Variants in SPATC1L observed in about 807,000 individuals in gnomAD.
The protein encoded by SPATC1L is spermatogenesis and centriole associated 1 like.
SPATC1L carries 20 observed loss-of-function variants against 21.2 expected under a neutral mutation model. That is an observed-to-expected ratio of 0.94 (90% CI 0.66 to 1.37). SPATC1L has a LOEUF of 1.37. Among genes scored for constraint, SPATC1L ranks in the 40% most tolerant of loss-of-function variants. SPATC1L has a pLI of 0.00. For synonymous variants in SPATC1L, 290 were observed against 234.5 expected (o/e 1.24, Z -2.16); for missense variants, 499 against 478.7 (o/e 1.04, Z -0.40).
Position 46,161,279 on chromosome 21 carries a change from A to ACGCGGCCCTTTCCCG in SPATC1L, c.*99_*100insCGGGAAAGGGCCGCG. On this transcript the variant is annotated 3_prime_UTR_variant, in exon 5 of 5. Coordinates refer to ENST00000291672, the MANE Select transcript of SPATC1L (RefSeq NM_001142854.2). ...CCTTCTCTGGCCTCGCGCGCGGGGG[A>ACGCGGCCCTTTCCCG]CGCGGCCCTTTCCCCTCCGGGGGGA... The ACGCGGCCCTTTCCCG allele has an allele frequency of 8.5e-7, 1 of 1,176,034 alleles. No homozygotes were observed. The highest frequency in any genetic ancestry group is 1.1e-6 in the Non-Finnish European group (1 of 882,024). 72.8% of individuals were successfully genotyped at this position (1,176,034 alleles called of 1,614,324 possible).
intron 2 of SPATC1L, among the ~76,000 whole-genome samples, chr21:46,170,445 CT>C: frequency 7.6e-6 from 1 of 131,280 alleles, no homozygotes; most frequent in South Asian, 2.3e-4. Flanking sequence ...AGGAGCCTCC[CT>C]GCTCTGTGAG....
intron 4 of SPATC1L, 38 bp downstream of exon 4, chr21:46,161,878 C>A: frequency 6.3e-7 from 1 of 1,594,582 alleles, no homozygotes; most frequent in Non-Finnish European, 8.5e-7. Context: ...ACCGAGCGCC[C>A]CGCACCCTCC....
chr21:46,162,728 G>A (rs2079511640), intron 3 of SPATC1L, among the ~76,000 whole-genome samples: 1 of 151,896 alleles, frequency 6.6e-6, no homozygotes, highest in Non-Finnish European at 1.5e-5. Flanking sequence ...TGGGACTACA[G>A]CCGCGTGCCA....
chr21:46,181,026 C>A (rs1178350664), intron 2 of SPATC1L, among the ~76,000 whole-genome samples: 3 of 152,250 alleles, frequency 2.0e-5, no homozygotes, highest in African/African-American at 4.8e-5. Flanking sequence ...CTGCCCCTCT[C>A]CTGCCAGGGG....
At position 46,161,495 on chromosome 21, in the gene SPATC1L, G is replaced by T; in HGVS notation, c.907C>A (p.Leu303Met). 1 of 1,606,740 alleles carries T rather than the reference G, an allele frequency of 6.2e-7. No homozygotes were observed. The highest frequency in any genetic ancestry group is 1.7e-5 in the Admixed American group (1 of 59,654). The change falls in exon 5 of 5, where the codon CTG becomes ATG. Residue 303 changes from leucine (L) to methionine (M), a missense_variant. Leu to Met is a conservative substitution (Grantham distance 15). Transcript: ENST00000291672. Reference sequence around the variant, plus strand: ...ACCACGTCGATGACCAGCTTGCGCAGCGCGGCCGGGCTGCTGTGCAGGGGG... The same window carrying T: ...ACCACGTCGATGACCAGCTTGCGCATCGCGGCCGGGCTGCTGTGCAGGGGG... ...ANPLHSSPAALRKLVIDVVPP... is the reference protein window; with the variant it reads ...ANPLHSSPAAMRKLVIDVVPP...
Position 46,168,616 on chromosome 21 carries a change from G to A in SPATC1L, c.236C>T (p.Ser79Phe). 7.1e-7 allele frequency: 1 copy of A among 1,415,820 alleles called. No individual in the cohort carries two copies. Among genetic ancestry groups the A allele is most frequent in the South Asian group, 1.6e-5 (1 of 61,826 alleles). The allele number at this position is 1,415,820 out of a possible 1,614,324, so 87.7% of individuals were successfully genotyped here. A position where few individuals can be genotyped will look rare whatever the true frequency, so the allele number is the denominator to read the frequency against. ...CTCCAGGGAGGATGTCTGCAGTTGG[G>A]AGGGCGTGTCGGCAACACTCGTGAA... ...GRFTSVADTPSQLQTSSLEDL... is the reference protein window; with the variant it reads ...GRFTSVADTPFQLQTSSLEDL... Residue 79 changes from serine (S) to phenylalanine (F), a missense_variant, in exon 3 of 5, where the codon TCC becomes TTC. By Grantham distance (155) the Ser-to-Phe change is radical. Coordinates refer to ENST00000291672, the MANE Select transcript of SPATC1L (RefSeq NM_001142854.2).
chr21:46,161,763 C>A, intron 4 of SPATC1L, 58 bp from the exon 5 acceptor site: 1 of 1,497,406 alleles, frequency 6.7e-7, no homozygotes, highest in South Asian at 1.3e-5. Flanking sequence ...ACGGGGACTT[C>A]CAGGCCCAGG....
In SPATC1L at chr21:46,161,925, C is replaced by G. The variant is rs779664846; in HGVS notation, c.687G>C (p.Lys229Asn). The change falls in exon 4 of 5, where the codon AAG (lysine) becomes AAC (asparagine). Residue 229 changes from lysine to asparagine, a missense_variant. Transcript: ENST00000291672. ...TCCCCACGGGGCGCACCTGCTCGAT[C>G]TTCTCGGGGATGTTGGCCACCGTGA... is the stretch of plus-strand genomic sequence containing the variant. ...YGFTVANIPEKIEQTSTKSLD... is the reference protein window; with the variant it reads ...YGFTVANIPENIEQTSTKSLD... 5 of 1,606,956 alleles carry G rather than the reference C, an allele frequency of 3.1e-6. No homozygotes were observed. In the East Asian group the frequency reaches 6.7e-5, roughly 22 times the overall value.
rs376854767 is a variant in SPATC1L, at chr21:46,161,451, G to T, written c.951C>A (p.Gly317=). ...GGCAGTTGAGCAGCAGCAGCGAGTC[G>T]CCCAGGAACTTGGGGGGCACCACGT... is the stretch of plus-strand genomic sequence containing the variant. ...VIDVVPPKFL[G]DSLLLLNCLC... Residue 317 remains glycine (G), a synonymous_variant, in exon 5 of 5, where the codon GGC becomes GGA. Coordinates refer to ENST00000291672, the MANE Select transcript of SPATC1L (RefSeq NM_001142854.2). 4 of 1,588,958 alleles carry T rather than the reference G, an allele frequency of 2.5e-6. No homozygotes were observed. The highest frequency in any genetic ancestry group is 1.7e-5 in the Admixed American group (1 of 59,304).
At position 46,161,599 on chromosome 21, in the gene SPATC1L, C is replaced by T. The variant is rs774810232; in HGVS notation, c.803G>A (p.Arg268His). Residue 268 changes from arginine (R) to histidine (H), a missense_variant, in exon 5 of 5, where the codon CGC (arginine) becomes CAC (histidine). By Grantham distance (29) the Arg-to-His change is conservative (BLOSUM62 0). Coordinates refer to ENST00000291672, the MANE Select transcript of SPATC1L (RefSeq NM_001142854.2). ...SARLEKLGYS[R>H]DVHPAFSEFL... is the part of the protein sequence containing the mutation. ...CTCGCTGAACGCCGGGTGCACGTCGCGGCTGTAGCCCAGCTTCTCCAGGCG... is the reference window on the plus strand; with the variant it reads ...CTCGCTGAACGCCGGGTGCACGTCGTGGCTGTAGCCCAGCTTCTCCAGGCG... The T allele has an allele frequency of 6.8e-6, 11 of 1,610,292 alleles. No individual in the cohort carries two copies. Among genetic ancestry groups the T allele is most frequent in the Non-Finnish European group, 9.3e-6 (11 of 1,178,954 alleles).
chr21:46,176,735 T>C (rs1006710270), intron 2 of SPATC1L, among the ~76,000 whole-genome samples: 5 of 152,204 alleles, frequency 3.3e-5, no homozygotes, highest in Admixed American at 3.3e-4. Context: ...AATGCTGTTC[T>C]TATTAAAATA....
chr21:46,175,431 A>G (rs2079625568), intron 2 of SPATC1L, among the ~76,000 whole-genome samples: 1 of 152,176 alleles, frequency 6.6e-6, no homozygotes, highest in South Asian at 2.1e-4. Flanking sequence ...AATAAAGAAG[A>G]AAAGAGAAAA....
rs117316606 is a variant in SPATC1L at position 46,161,894 on chromosome 21, G to A, written c.696+22C>T. On this transcript the variant is annotated intron_variant, in intron 4 of 4. Coordinates refer to ENST00000291672, the MANE Select transcript of SPATC1L (RefSeq NM_001142854.2). Reference sequence around the variant, plus strand: ...CCGAGCGCCCCGCACCCTCCTGGCCGCGCCCTCCCCACGGGGCGCACCTGC... The same window carrying A: ...CCGAGCGCCCCGCACCCTCCTGGCCACGCCCTCCCCACGGGGCGCACCTGC... 5.8e-3 allele frequency: 9,351 copies of A among 1,600,846 alleles called. 195 individuals carry two copies. The highest frequency in any genetic ancestry group is 0.049 in the South Asian group (4,438 of 90,462).
intron 2 of SPATC1L, among the ~76,000 whole-genome samples, chr21:46,181,205 C>A (rs1023776380): frequency 1.3e-5 from 2 of 152,218 alleles, no homozygotes; most frequent in Non-Finnish European, 2.9e-5. Flanking sequence ...GTGCTGTGAA[C>A]GGGACCCTGC....
At chr21:46,173,725 C>T (rs1480872147) in intron 2 of SPATC1L, among the ~76,000 whole-genome samples, 1 of 152,194 alleles carries the variant, frequency 6.6e-6, no homozygotes, top group Non-Finnish European at 1.5e-5. Context: ...AGTAACTGCA[C>T]ACAGTCTCCA....
intron 3 of SPATC1L, among the ~76,000 whole-genome samples, chr21:46,166,216 AT>A (rs1001111991): frequency 6.6e-6 from 1 of 152,164 alleles, no homozygotes; most frequent in African/African-American, 2.4e-5. Flanking sequence ...AAATACAAAG[AT>A]TAGCTGGGCG....
intron 2 of SPATC1L, among the ~76,000 whole-genome samples, chr21:46,181,644 C>T (rs1479384135): frequency 6.6e-6 from 1 of 152,168 alleles, no homozygotes; most frequent in East Asian, 1.9e-4. Context: ...GGTGCTGGAG[C>T]GGCCCCTTGG....
At chr21:46,171,358 A>C (rs965606122) in intron 2 of SPATC1L, among the ~76,000 whole-genome samples, 3 of 151,558 alleles carry the variant, frequency 2.0e-5, no homozygotes, top group Non-Finnish European at 4.4e-5. Context: ...AAATGTGCCT[A>C]CTGGAGCTTG....
chr21:46,181,553 G>A (rs942451197), intron 2 of SPATC1L, among the ~76,000 whole-genome samples: 3 of 152,188 alleles, frequency 2.0e-5, no homozygotes, highest in African/African-American at 4.8e-5. Context: ...TGCACACTGC[G>A]CCTGCTCAGA....
Sources: allele counts gnomAD v4.1 joint callset (sites outside exome capture counted in the v4.1 genomes callset), GRCh38; gene constraint gnomAD v4.1.1; transcripts MANE v1.5; gene names NCBI Gene and HGNC (gene_info 2026-07-23, HGNC 2026-07-21).